Variants in CTNND2 observed in about 807,000 individuals in gnomAD.
The protein encoded by CTNND2 is catenin delta 2, also known as catenin delta-2.
A neutral mutation model predicts 144.4 loss-of-function variants in CTNND2; 22 were observed. That is an observed-to-expected ratio of 0.15 (90% confidence interval 0.11 to 0.22). The LOEUF (loss-of-function observed/expected upper bound fraction) is 0.22, where lower values mean the gene tolerates loss of function less well. Among genes scored for constraint, CTNND2 ranks in the 10% least tolerant of loss-of-function variants. The pLI is 1.00. For synonymous variants in CTNND2, 751 were observed against 695.6 expected, an observed-to-expected ratio of 1.08 and a Z score of -1.25; for missense variants, 1,353 against 1,618.8, an observed-to-expected ratio of 0.84 and a Z score of 2.82.
intron 3 of CTNND2, among the ~76,000 whole-genome samples, chr5:11,490,146 A>G (rs1237585991): frequency 1.3e-5 from 2 of 152,182 alleles, no homozygotes; most frequent in Non-Finnish European, 2.9e-5. Context: ...TGCTACACAG[A>G]GCTTGCAACC....
intron 7 of CTNND2, among the ~76,000 whole-genome samples, chr5:11,370,362 C>G (rs532924806): frequency 2.6e-5 from 4 of 152,096 alleles, no homozygotes; most frequent in African/African-American, 7.2e-5. Flanking sequence ...TGGGCACCCC[C>G]GAGCCTCCTG....
intron 2 of CTNND2, among the ~76,000 whole-genome samples, chr5:11,652,802 T>C (rs1169938288): frequency 6.6e-6 from 1 of 152,220 alleles, no homozygotes; most frequent in Non-Finnish European, 1.5e-5. Context: ...GTTACCATGC[T>C]GTACATTTAA....
At chr5:11,866,013 T>C (rs1162471057) in intron 1 of CTNND2, among the ~76,000 whole-genome samples, 1 of 151,396 alleles carries the variant, frequency 6.6e-6, no homozygotes, top group Non-Finnish European at 1.5e-5. Context: ...CATAAAGAAC[T>C]TCAAGAGGAA....
At chr5:11,154,751 T>C (rs903409102) in intron 12 of CTNND2, among the ~76,000 whole-genome samples, 40 of 152,154 alleles carry the variant, frequency 2.6e-4, no homozygotes, top group Admixed American at 6.5e-5. Flanking sequence ...AAAATCAAGG[T>C]GCCAGCAGGG....
At chr5:11,798,813 C>G (rs564791235) in intron 1 of CTNND2, among the ~76,000 whole-genome samples, 2 of 151,988 alleles carry the variant, frequency 1.3e-5, no homozygotes, top group Non-Finnish European at 2.9e-5. Flanking sequence ...CTCCATATAA[C>G]AAGTATTTCA....
chr5:11,380,632 A>G lies in CTNND2; in HGVS notation c.1177+4033T>C, dbSNP rs138219541. Among the ~76,000 whole-genome samples, 74 of 152,306 alleles carry G rather than the reference A, an allele frequency of 4.9e-4. No individual in the cohort carries two copies. In the East Asian group the frequency reaches 0.014, roughly 29 times the overall value. ...ATCCAGGGATCTTTGGGTTCTGATG[A>G]CTTAACATCTGAGAAGTTACACTCT... On this transcript the variant is annotated intron_variant, in intron 7 of 21. Transcript: ENST00000304623.
chr5:11,714,128 G>C (rs1451557015), intron 2 of CTNND2, among the ~76,000 whole-genome samples: 1 of 152,230 alleles, frequency 6.6e-6, no homozygotes, highest in East Asian at 1.9e-4. Flanking sequence ...TATTTCTCGT[G>C]ATTGTATCTG....
At chr5:11,009,758 TC>T (rs1740867179) in intron 18 of CTNND2, among the ~76,000 whole-genome samples, 1 of 152,226 alleles carries the variant, frequency 6.6e-6, no homozygotes, top group African/African-American at 2.4e-5. Context: ...TGGGGATCTA[TC>T]CCAGCAACAG....
chr5:11,261,578 G>A (rs1044605088), intron 9 of CTNND2, among the ~76,000 whole-genome samples: 3 of 152,200 alleles, frequency 2.0e-5, no homozygotes, highest in Non-Finnish European at 4.4e-5. Flanking sequence ...GTATCCTGCT[G>A]AACAAACCAA....
chr5:11,128,804 TAC>T (rs1561349921), intron 12 of CTNND2, among the ~76,000 whole-genome samples: 6 of 17,818 alleles, frequency 3.4e-4, no homozygotes, highest in African/African-American at 1.0e-3. Flanking sequence ...ATTATATATA[TAC>T]AATATATATA....
chr5:11,419,390 T>C (rs1045506873), intron 3 of CTNND2, among the ~76,000 whole-genome samples: 1 of 152,206 alleles, frequency 6.6e-6, no homozygotes, highest in Non-Finnish European at 1.5e-5. Flanking sequence ...ATTCTTAGCA[T>C]TGTTAGAATC....
chr5:11,668,502 A>C (rs1783696953), intron 2 of CTNND2, among the ~76,000 whole-genome samples: 1 of 152,136 alleles, frequency 6.6e-6, no homozygotes, highest in Non-Finnish European at 1.5e-5. Flanking sequence ...CTGAATTCCT[A>C]GGTATTTCAT....
At chr5:11,886,082 G>T (rs1736509888) in intron 1 of CTNND2, among the ~76,000 whole-genome samples, 1 of 151,896 alleles carries the variant, frequency 6.6e-6, no homozygotes. Context: ...AAAGTAGAAA[G>T]ATTTCAAATA....
chr5:11,131,076 A>T (rs1264394184), intron 12 of CTNND2, among the ~76,000 whole-genome samples: 1 of 152,222 alleles, frequency 6.6e-6, no homozygotes, highest in Non-Finnish European at 1.5e-5. Context: ...GGGTCAAAAC[A>T]CAAATTAGAT....
chr5:11,522,184 A>G (rs961435913), intron 3 of CTNND2, among the ~76,000 whole-genome samples: 3 of 152,210 alleles, frequency 2.0e-5, no homozygotes, highest in African/African-American at 7.2e-5. Context: ...TACTTTCTGA[A>G]TCTCTATGTG....
At chr5:11,068,818 G>A (rs893660683) in intron 16 of CTNND2, among the ~76,000 whole-genome samples, 1 of 152,208 alleles carries the variant, frequency 6.6e-6, no homozygotes, top group African/African-American at 2.4e-5. Context: ...GTGGGGGGCT[G>A]GGGCAGGAGA....
chr5:10,989,908 A>G (rs1240959002), intron 19 of CTNND2, among the ~76,000 whole-genome samples: 1 of 152,218 alleles, frequency 6.6e-6, no homozygotes, highest in Admixed American at 6.5e-5. Flanking sequence ...TCACGCCTCA[A>G]TGCTCAGCTC....
intron 2 of CTNND2, among the ~76,000 whole-genome samples, chr5:11,608,916 C>T (rs1386347530): frequency 6.6e-6 from 1 of 152,194 alleles, no homozygotes; most frequent in East Asian, 1.9e-4. Flanking sequence ...GCCTACCTCT[C>T]TGATTTAATT....
At chr5:11,106,339 G>C (rs1171944619) in intron 14 of CTNND2, among the ~76,000 whole-genome samples, 1 of 152,188 alleles carries the variant, frequency 6.6e-6, no homozygotes, top group African/African-American at 2.4e-5. Flanking sequence ...CCACGTCATG[G>C]TATTCCTCTA....
Sources: allele counts gnomAD v4.1 joint callset (sites outside exome capture counted in the v4.1 genomes callset), GRCh38; gene constraint gnomAD v4.1.1; transcripts MANE v1.5; gene names NCBI Gene and HGNC (gene_info 2026-07-23, HGNC 2026-07-21).